The following VGLL3 variants were observed in gnomAD, a reference collection of about 807,000 sequenced individuals.
VGLL3 encodes vestigial like family member 3, also known as transcription cofactor vestigial-like protein 3.
A neutral mutation model predicts 29.2 loss-of-function variants in VGLL3; 18 were observed. The ratio of observed to expected loss-of-function variants is 0.62; its 90% CI spans 0.43 to 0.91. VGLL3 has a LOEUF of 0.91. Ranked by LOEUF, VGLL3 falls within the 40% of genes least tolerant of loss-of-function variation. VGLL3 has a pLI of 0.00. For synonymous variants in VGLL3, 180 were observed against 151.8 expected (o/e 1.19, Z -1.36); for missense variants, 440 against 413.2 (o/e 1.06, Z -0.56).
intron 3 of VGLL3, among the ~76,000 whole-genome samples, chr3:86,955,709 A>G (rs1704707618): frequency 6.6e-6 from 1 of 152,092 alleles, no homozygotes; most frequent in Admixed American, 6.6e-5. Context: ...CTTTTATGTG[A>G]CATGAACAGA....
chr3:86,957,829 T>C (rs1704753533), intron 3 of VGLL3, among the ~76,000 whole-genome samples: 1 of 152,250 alleles, frequency 6.6e-6, no homozygotes, highest in Non-Finnish European at 1.5e-5. Context: ...TCTCTCTCTT[T>C]CAATGCATAC....
rs148729902 is a variant in VGLL3 at position 86,974,973 on chromosome 3, G to T, written c.403+3553C>A. Among the ~76,000 whole-genome samples, 1,093 of 152,232 alleles carry T rather than the reference G, an allele frequency of 7.2e-3. 10 individuals are homozygous for T. Among genetic ancestry groups the T allele is most frequent in the Non-Finnish European group, 0.011 (772 of 68,010 alleles). Reference sequence around the variant, plus strand: ...AAACTTACTTAAGGAAGAGAGAAAAGGCATCTGGCTTTCATTTAGCACCTT... The same window carrying T: ...AAACTTACTTAAGGAAGAGAGAAAATGCATCTGGCTTTCATTTAGCACCTT... On this transcript the variant is annotated intron_variant, in intron 2 of 3. Coordinates refer to ENST00000398399, the MANE Select transcript of VGLL3 (RefSeq NM_016206.4).
chr3:86,982,955 G>T (rs763153447), intron 1 of VGLL3, among the ~76,000 whole-genome samples: 9 of 152,138 alleles, frequency 5.9e-5, no homozygotes, highest in Admixed American at 1.3e-4. Context: ...TGGAGAGTTC[G>T]CTTGGGCAGT....
At chr3:86,985,959 A>G (rs538378908) in intron 1 of VGLL3, among the ~76,000 whole-genome samples, 1 of 152,228 alleles carries the variant, frequency 6.6e-6, no homozygotes, top group African/African-American at 2.4e-5. Flanking sequence ...CTTAGGCATC[A>G]TAAGCATAAT....
At position 86,940,250 on chromosome 3, in the gene VGLL3, G is replaced by A. The variant is rs1035032650; in HGVS notation, c.*6774C>T. On this transcript the variant is annotated 3_prime_UTR_variant, in exon 4 of 4. Transcript: ENST00000398399. The stretch of plus-strand genomic sequence containing the variant: ...ATTCTCTTTTCAATGTTAATGAATC[G>A]TAGAAAAGTTTTTGTTTGTTTTTTC... 6 of 152,268 alleles carry A rather than the reference G, an allele frequency of 3.9e-5. No individual in the cohort carries two copies. Among genetic ancestry groups the A allele is most frequent in the East Asian group, 3.9e-4 (2 of 5,190 alleles). The allele number at this position is 152,268 out of a possible 1,614,324, so 9.4% of individuals were successfully genotyped here.
intron 3 of VGLL3, among the ~76,000 whole-genome samples, chr3:86,965,550 GT>G (rs1437022605): frequency 6.6e-6 from 1 of 152,164 alleles, no homozygotes; most frequent in East Asian, 1.9e-4. Context: ...CCCCTTTGCT[GT>G]CCCTCTTTAG....
At chr3:86,990,522 C>T in intron 1 of VGLL3, 96 bp downstream of exon 1, 1 of 1,295,360 alleles carries the variant, frequency 7.7e-7, no homozygotes, top group Non-Finnish European at 9.9e-7. Flanking sequence ...GCATCCTCTG[C>T]GCCACGCGTG....
At chr3:86,948,544 T>C (rs1451996268) in intron 3 of VGLL3, among the ~76,000 whole-genome samples, 1 of 151,788 alleles carries the variant, frequency 6.6e-6, no homozygotes, top group African/African-American at 2.4e-5. Flanking sequence ...AACCTGCACA[T>C]TGTGCACATG....
Position 86,969,018 on chromosome 3 carries a change from A to T in VGLL3, c.509T>A (p.Phe170Tyr). 1 of 1,614,076 alleles carries T rather than the reference A, an allele frequency of 6.2e-7. No individual in the cohort carries two copies. Among genetic ancestry groups the T allele is most frequent in the Non-Finnish European group, 8.5e-7 (1 of 1,180,006 alleles). ...GGTGCCAGGGGGTCCAGTGACCTGG[A>T]AGTCAGGATGAACTCCCCCCAAACA... ...APCLGGVHPD[F>Y]QVTGPPGTFS... is the part of the protein sequence containing the mutation. Residue 170 changes from phenylalanine to tyrosine, a missense_variant, in exon 3 of 4, where the codon TTC (phenylalanine) becomes TAC (tyrosine). Coordinates refer to ENST00000398399, the MANE Select transcript of VGLL3 (RefSeq NM_016206.4).
At chr3:86,967,588 A>AT (rs761908806) in intron 3 of VGLL3, among the ~76,000 whole-genome samples, 1 of 152,220 alleles carries the variant, frequency 6.6e-6, no homozygotes, top group Non-Finnish European at 1.5e-5. Flanking sequence ...GAACCAGCAC[A>AT]TGATTAAGGG....
At chr3:86,969,806 G>A (rs1357280638) in intron 2 of VGLL3, among the ~76,000 whole-genome samples, 2 of 151,840 alleles carry the variant, frequency 1.3e-5, no homozygotes, top group African/African-American at 2.4e-5. Context: ...CATTTTTCCA[G>A]GGGCTTTTCA....
chr3:86,962,364 C>G, intron 3 of VGLL3: 1 of 985,276 alleles, frequency 1.0e-6, no homozygotes, highest in Non-Finnish European at 1.2e-6. Flanking sequence ...CATACACTTG[C>G]ACAGCCCTCA....
At position 86,939,308 on chromosome 3, in the gene VGLL3, G is replaced by A. The variant is rs1704343236; in HGVS notation, c.*7716C>T. The A allele has an allele frequency of 6.6e-6, 1 of 152,074 alleles. No individual in the cohort carries two copies. Among genetic ancestry groups the A allele is most frequent in the Admixed American group, 6.6e-5 (1 of 15,264 alleles). The allele number at this position is 152,074 out of a possible 1,614,324, so 9.4% of individuals were successfully genotyped here. On this transcript the variant is annotated 3_prime_UTR_variant, in exon 4 of 4. Transcript: ENST00000398399. Reference sequence around the variant, plus strand: ...AACCATTGAATATGTTACTGTACATGGAAAAAGGGCCTTTAAAGATGTAAT... The same window carrying A: ...AACCATTGAATATGTTACTGTACATAGAAAAAGGGCCTTTAAAGATGTAAT...
intron 2 of VGLL3, among the ~76,000 whole-genome samples, chr3:86,978,002 T>A (rs1030503068): frequency 6.6e-5 from 10 of 152,244 alleles, no homozygotes; most frequent in Non-Finnish European, 1.0e-4. Context: ...TTAAGCCATG[T>A]GGATGCTGCC....
intron 2 of VGLL3, among the ~76,000 whole-genome samples, chr3:86,970,569 A>G (rs978007212): frequency 2.6e-5 from 4 of 151,888 alleles, no homozygotes; most frequent in African/African-American, 9.7e-5. Context: ...CATAGGCAGA[A>G]GGTGGCAACA....
rs1225338993 is a variant in VGLL3 at position 86,946,178 on chromosome 3, C to T, written c.*846G>A. On this transcript the variant is annotated 3_prime_UTR_variant, in exon 4 of 4. Coordinates refer to ENST00000398399, the MANE Select transcript of VGLL3 (RefSeq NM_016206.4). The stretch of plus-strand genomic sequence containing the variant: ...AGAATTAGTCTCCTCTAGGCAAACT[C>T]TTCATTTGATTGAAAGTTTATGCCA... 2 of 152,070 alleles carry T rather than the reference C, an allele frequency of 1.3e-5. No individual in the cohort carries two copies. 9.4% of individuals were successfully genotyped at this position (152,070 alleles called of 1,614,324 possible).
rs1421189168 is a variant in VGLL3, at chr3:86,938,577, CTTCA to C, written c.*8443_*8446del. The C allele has an allele frequency of 6.6e-6, 1 of 152,588 alleles. No individual in the cohort carries two copies. The highest frequency in any genetic ancestry group is 2.4e-5 in the African/African-American group (1 of 41,438). The allele number at this position is 152,588 out of a possible 1,614,324, so 9.5% of individuals were successfully genotyped here. A position where few individuals can be genotyped will look rare whatever the true frequency, so the allele number is the denominator to read the frequency against. Reference sequence around the variant, plus strand: ...CAAAGCAAAGATCAATGCTGATGTTCTTCATTCAGTCACAGCCAAACTTGGTATG... The same window carrying C: ...CAAAGCAAAGATCAATGCTGATGTTCTTCAGTCACAGCCAAACTTGGTATG... On this transcript the variant is annotated 3_prime_UTR_variant, in exon 4 of 4. Transcript: ENST00000398399.
intron 1 of VGLL3, among the ~76,000 whole-genome samples, chr3:86,988,274 A>T (rs904891441): frequency 6.6e-6 from 1 of 152,074 alleles, no homozygotes; most frequent in African/African-American, 2.4e-5. Flanking sequence ...CAAATTCAGT[A>T]GGAGTTGTAG....
intron 1 of VGLL3, among the ~76,000 whole-genome samples, chr3:86,983,376 AT>A (rs1048147310): frequency 2.0e-5 from 3 of 151,864 alleles, no homozygotes; most frequent in Non-Finnish European, 2.9e-5. Flanking sequence ...GACCATATAT[AT>A]TTTTTTTCTT....
Sources: allele counts gnomAD v4.1 joint callset (sites outside exome capture counted in the v4.1 genomes callset), GRCh38; gene constraint gnomAD v4.1.1; transcripts MANE v1.5; gene names NCBI Gene and HGNC (gene_info 2026-07-23, HGNC 2026-07-21).